GRXCR1: variants seen among roughly 807,000 people sequenced by gnomAD.
GRXCR1 encodes the protein glutaredoxin domain-containing cysteine-rich protein 1.
A neutral mutation model predicts 27.3 loss-of-function variants in GRXCR1; 27 were observed. That is an observed-to-expected ratio of 0.99 (90% confidence interval 0.73 to 1.37). The LOEUF is 1.37. Ranked by LOEUF, GRXCR1 falls within the 40% of genes most tolerant of loss-of-function variation. The pLI is 0.00. For missense variants in GRXCR1, 379 were observed against 354.4 expected (o/e 1.07, Z -0.56); for synonymous variants, 122 against 131.1 (o/e 0.93, Z 0.47).
chr4:43,027,498 T>C (rs1713293752), intron 3 of GRXCR1, among the ~76,000 whole-genome samples: 1 of 152,240 alleles, frequency 6.6e-6, no homozygotes, highest in Admixed American at 6.5e-5. Flanking sequence ...AGTGATGTTG[T>C]AGGCCCATTA....
chr4:43,016,484 C>T (rs1395324982), intron 2 of GRXCR1, among the ~76,000 whole-genome samples: 1 of 152,128 alleles, frequency 6.6e-6, no homozygotes, highest in Non-Finnish European at 1.5e-5. Context: ...ATTTGCCTTA[C>T]TACTTGTGTT....
At position 43,026,853 on chromosome 4, in the gene GRXCR1, C is replaced by A. The variant is rs944822686; in HGVS notation, c.694-3508C>A. Among the ~76,000 whole-genome samples the A allele has an allele frequency of 7.2e-5, 11 of 152,332 alleles. No homozygotes were observed. The East Asian group carries it at 2.1e-3, about 29-fold the overall frequency. Reference sequence around the variant, plus strand: ...CTCCTCCACACAAGATATAAGCCATCCCTTTCCTCTCTTACGTTTATGGCT... The same window carrying A: ...CTCCTCCACACAAGATATAAGCCATACCTTTCCTCTCTTACGTTTATGGCT... On this transcript the variant is annotated intron_variant, in intron 3 of 3. Transcript: ENST00000399770.
At chr4:42,976,605 C>T (rs1374359850) in intron 2 of GRXCR1, among the ~76,000 whole-genome samples, 1 of 151,712 alleles carries the variant, frequency 6.6e-6, no homozygotes, top group East Asian at 1.9e-4. Flanking sequence ...TTCTTGGTAC[C>T]CTCATATTCC....
At chr4:42,896,168 A>C (rs1253542283) in intron 1 of GRXCR1, among the ~76,000 whole-genome samples, 1 of 152,136 alleles carries the variant, frequency 6.6e-6, no homozygotes, top group Non-Finnish European at 1.5e-5. Flanking sequence ...CTTCTGTATT[A>C]GTTTCCCACT....
chr4:42,919,222 A>T (rs953610408), intron 1 of GRXCR1, among the ~76,000 whole-genome samples: 1 of 152,114 alleles, frequency 6.6e-6, no homozygotes, highest in African/African-American at 2.4e-5. Flanking sequence ...GGCCTGTCAG[A>T]CAGTCATGCC....
intron 1 of GRXCR1, among the ~76,000 whole-genome samples, chr4:42,905,504 T>A (rs1746567524): frequency 6.6e-6 from 1 of 152,222 alleles, no homozygotes; most frequent in Non-Finnish European, 1.5e-5. Flanking sequence ...TATTACATCA[T>A]TTAAGACATT....
At chr4:42,987,002 A>ATGTGTGTGTGTGTG (rs36224914) in intron 2 of GRXCR1, among the ~76,000 whole-genome samples, 55 of 140,876 alleles carry the variant, frequency 3.9e-4, no homozygotes, top group Non-Finnish European at 7.9e-4. Flanking sequence ...AGATATGTGT[A>ATGTGTGTGTGTGTG]TGTGTGTGTG....
At chr4:42,930,073 A>T (rs1208377973) in intron 1 of GRXCR1, among the ~76,000 whole-genome samples, 2 of 151,922 alleles carry the variant, frequency 1.3e-5, no homozygotes, top group Non-Finnish European at 2.9e-5. Context: ...TCTTGATCTC[A>T]TTTCTGTTGA....
chr4:42,992,901 T>C (rs1438287175), intron 2 of GRXCR1, among the ~76,000 whole-genome samples: 4 of 152,146 alleles, frequency 2.6e-5, no homozygotes, highest in Admixed American at 6.5e-5. Flanking sequence ...ATTGTTTACA[T>C]TACTTCTTAC....
chr4:42,997,143 A>G (rs1022474736), intron 2 of GRXCR1, among the ~76,000 whole-genome samples: 9 of 152,132 alleles, frequency 5.9e-5, no homozygotes, highest in Admixed American at 3.9e-4. Flanking sequence ...CAAATATTCT[A>G]TATTAATAGG....
chr4:42,978,788 C>G (rs945956799), intron 2 of GRXCR1, among the ~76,000 whole-genome samples: 1 of 151,992 alleles, frequency 6.6e-6, no homozygotes, highest in Non-Finnish European at 1.5e-5. Flanking sequence ...CTATCCAAAT[C>G]TCATCTTGAA....
intron 3 of GRXCR1, among the ~76,000 whole-genome samples, chr4:43,024,219 A>G (rs1313355263): frequency 1.0e-4 from 1 of 9,818 alleles, no homozygotes; most frequent in Admixed American, 1.1e-3. Flanking sequence ...TTTTTGGTAA[A>G]GCTTATAAAA....
chr4:42,988,731 A>G (rs1032974689), intron 2 of GRXCR1, among the ~76,000 whole-genome samples: 2 of 152,214 alleles, frequency 1.3e-5, no homozygotes, highest in Non-Finnish European at 2.9e-5. Context: ...TTTTGTAGCC[A>G]TATAAGCTGT....
chr4:42,996,563 T>A (rs1375461931), intron 2 of GRXCR1, among the ~76,000 whole-genome samples: 1 of 152,136 alleles, frequency 6.6e-6, no homozygotes, highest in Non-Finnish European at 1.5e-5. Context: ...TCTGAAGGTG[T>A]ATTATGTAAT....
chr4:42,909,793 A>G (rs776945475), intron 1 of GRXCR1, among the ~76,000 whole-genome samples: 1 of 152,192 alleles, frequency 6.6e-6, no homozygotes, highest in Non-Finnish European at 1.5e-5. Context: ...TCTCTGTAGC[A>G]TTTATACATA....
At chr4:43,010,571 A>G (rs768239711) in intron 2 of GRXCR1, among the ~76,000 whole-genome samples, 2 of 152,114 alleles carry the variant, frequency 1.3e-5, no homozygotes, top group Non-Finnish European at 2.9e-5. Flanking sequence ...TTCTCTAACT[A>G]AAAGAAAGAA....
chr4:42,955,255 A>G (rs921186267), intron 1 of GRXCR1, among the ~76,000 whole-genome samples: 9 of 152,070 alleles, frequency 5.9e-5, no homozygotes, highest in African/African-American at 2.2e-4. Context: ...ACCCATCTCA[A>G]AGAAATCATT....
chr4:43,016,666 G>A (rs1712941523), intron 2 of GRXCR1, among the ~76,000 whole-genome samples: 1 of 151,182 alleles, frequency 6.6e-6, no homozygotes, highest in Non-Finnish European at 1.5e-5. Context: ...TGCATGTGTG[G>A]CTTTTTTGCT....
chr4:43,007,795 A>G (rs921333009), intron 2 of GRXCR1, among the ~76,000 whole-genome samples: 5 of 152,218 alleles, frequency 3.3e-5, no homozygotes, highest in African/African-American at 1.2e-4. Flanking sequence ...TTAAAAGTCC[A>G]AATCATTTCC....
Sources: allele counts gnomAD v4.1 joint callset (sites outside exome capture counted in the v4.1 genomes callset), GRCh38; gene constraint gnomAD v4.1.1; transcripts MANE v1.5; gene names NCBI Gene and HGNC (gene_info 2026-07-23, HGNC 2026-07-21).